DOT1L: variants seen among roughly 807,000 people sequenced by gnomAD.
The protein encoded by DOT1L is DOT1 like histone lysine methyltransferase.
A neutral mutation model predicts 153.3 loss-of-function variants in DOT1L; 33 were observed. That is an observed-to-expected ratio of 0.22 (90% CI 0.16 to 0.29). DOT1L has a LOEUF of 0.29. DOT1L is among the 10% of genes least tolerant of loss of function. The probability of loss-of-function intolerance (pLI) is 1.00; values close to 1 mark genes in which losing one functional copy is unlikely to be tolerated. For missense variants in DOT1L, 1,847 were observed against 2,119.9 expected, an observed-to-expected ratio of 0.87 and a Z score of 2.53; for synonymous variants, 1,135 against 965.1, an observed-to-expected ratio of 1.18 and a Z score of -3.26.
intron 7 of DOT1L, among the ~76,000 whole-genome samples, chr19:2,195,948 CCTCA>C (rs2023000289): frequency 6.6e-6 from 1 of 152,240 alleles, no homozygotes; most frequent in Admixed American, 6.5e-5. Flanking sequence ...GGTGCCCACC[CCTCA>C]CTGTCTCCTC....
Position 2,197,613 on chromosome 19 carries a change from G to T in DOT1L, c.652-2271G>T, listed in dbSNP as rs539157008. ...GCATGGTGTCTAGTGTGGCACAGGT[G>T]CTCCTGGCATGGAGCTGCGTTCGTG... On this transcript the variant is annotated intron_variant, in intron 7 of 27. Coordinates refer to ENST00000398665, the MANE Select transcript of DOT1L (RefSeq NM_032482.3). This position sits in a 1 kb window ranked among gnomAD's most constrained non-coding sequence, Gnocchi z 4.1. 4.6e-3 allele frequency among the ~76,000 whole-genome samples: 707 copies of T among 152,322 alleles called. 3 individuals are homozygous for T. The highest frequency in any genetic ancestry group is 0.024 in the Middle Eastern group (7 of 294).
At chr19:2,209,575 C>T (rs957143689) in intron 12 of DOT1L, among the ~76,000 whole-genome samples, 1 of 152,224 alleles carries the variant, frequency 6.6e-6, no homozygotes, top group African/African-American at 2.4e-5. Flanking sequence ...AGGGCTGTCC[C>T]CTCCTCTCCC....
At chr19:2,194,617 C>G in intron 7 of DOT1L, 40 bp downstream of exon 7, 4 of 1,600,262 alleles carry the variant, frequency 2.5e-6, no homozygotes, top group Non-Finnish European at 3.4e-6. Context: ...ATCGCCGGCC[C>G]CACCCCCGCT....
chr19:2,187,668 A>G (rs1331506188), intron 3 of DOT1L, among the ~76,000 whole-genome samples: 1 of 152,136 alleles, frequency 6.6e-6, no homozygotes, highest in East Asian at 1.9e-4. Context: ...CACACCTGTA[A>G]TCCCAGCACT....
chr19:2,214,641 C>G (rs752508932), intron 19 of DOT1L, 45 bp downstream of exon 19: 24 of 1,599,664 alleles, frequency 1.5e-5, no homozygotes, highest in Non-Finnish European at 2.0e-5. Context: ...CGAGCCTCTC[C>G]CATCAGCCTC....
chr19:2,227,042 G>C lies in DOT1L; in HGVS notation c.4521G>C (p.Leu1507=). 6.3e-7 allele frequency: 1 copy of C among 1,578,230 alleles called. No homozygotes were observed. Among genetic ancestry groups the C allele is most frequent in the Non-Finnish European group, 8.6e-7 (1 of 1,168,300 alleles). Residue 1507 remains leucine, a synonymous_variant, in exon 27 of 28, where the codon CTG becomes CTC. Transcript: ENST00000398665. ...GCTCTGTGCCGGCCGCCGCAGGCCT[G>C]GTGCACGTGTCGTCCGCTGCCACCA... is the stretch of plus-strand genomic sequence containing the variant. ...LFSSVPAAAG[L]VHVSSAATRL... is the part of the protein sequence containing the mutation.
intron 27 of DOT1L, chr19:2,228,664 T>C: frequency 1.0e-6 from 1 of 985,368 alleles, no homozygotes; most frequent in Non-Finnish European, 1.2e-6. Context: ...TGCCAGCCCC[T>C]GTGGGCGAGG....
chr19:2,187,735 G>T (rs537147705), intron 3 of DOT1L, among the ~76,000 whole-genome samples: 3 of 152,050 alleles, frequency 2.0e-5, no homozygotes, highest in African/African-American at 4.8e-5. Flanking sequence ...ATCCTCGCTA[G>T]CACAGTGAAA....
At chr19:2,206,941 G>A (rs2023520157) in intron 10 of DOT1L, 144 bp downstream of exon 10, 1 of 810,496 alleles carries the variant, frequency 1.2e-6, no homozygotes, top group South Asian at 1.5e-5. Flanking sequence ...GCAGTGCAGG[G>A]TGCTGAGCAG....
At chr19:2,211,955 C>G in intron 16 of DOT1L, 113 bp downstream of exon 16, 1 of 929,496 alleles carries the variant, frequency 1.1e-6, no homozygotes, top group Non-Finnish European at 1.6e-6. Flanking sequence ...TGAGTGGGCT[C>G]CCTCCTCTGC....
At chr19:2,228,475 C>G in intron 27 of DOT1L, 1 of 1,204,454 alleles carries the variant, frequency 8.3e-7, no homozygotes, top group East Asian at 5.6e-5. Context: ...GCAGAAGTTC[C>G]GGGGGTCCTG....
Position 2,220,836 on chromosome 19 carries a change from C to T in DOT1L, c.2806+614C>T. 1 of 306,426 alleles carries T rather than the reference C, an allele frequency of 3.3e-6. No homozygotes were observed. The highest frequency in any genetic ancestry group is 2.8e-5 in the South Asian group (1 of 36,226). 19.0% of individuals were successfully genotyped at this position (306,426 alleles called of 1,614,324 possible). A position where few individuals can be genotyped will look rare whatever the true frequency, so the allele number is the denominator to read the frequency against. On this transcript the variant is annotated intron_variant, in intron 23 of 27. Coordinates refer to ENST00000398665, the MANE Select transcript of DOT1L (RefSeq NM_032482.3). This position sits in a 1 kb window ranked among gnomAD's most constrained non-coding sequence, Gnocchi z 4.5. Reference sequence around the variant, plus strand: ...GACCCCCAGGCTGGTTTGCTGGCCCCAGGTTGAGATGCGGTATGATGCGGC... The same window carrying T: ...GACCCCCAGGCTGGTTTGCTGGCCCTAGGTTGAGATGCGGTATGATGCGGC...
At position 2,191,323 on chromosome 19, in the gene DOT1L, GT is replaced by G; in HGVS notation, c.493+86del. On this transcript the variant is annotated intron_variant, in intron 5 of 27. Coordinates refer to ENST00000398665, the MANE Select transcript of DOT1L (RefSeq NM_032482.3). The surrounding 1 kb of genome is among the most constrained non-coding windows in gnomAD (Gnocchi z 6.8). ...CTGCCCCATGCCTGCTTGGAGAAGA[GT>G]TTATCAGGGACTTGCGACGTTGGCG... The G allele has an allele frequency of 7.1e-7, 1 of 1,409,158 alleles. No homozygotes were observed. Among genetic ancestry groups the G allele is most frequent in the Non-Finnish European group, 1.0e-6 (1 of 1,004,492 alleles). 87.3% of individuals were successfully genotyped at this position (1,409,158 alleles called of 1,614,324 possible). A position where few individuals can be genotyped will look rare whatever the true frequency, so the allele number is the denominator to read the frequency against.
chr19:2,210,324 C>G, intron 12 of DOT1L, 76 bp from the exon 13 acceptor site: 1 of 1,312,064 alleles, frequency 7.6e-7, no homozygotes, highest in African/African-American at 1.5e-5. Context: ...TGAGTCTGAG[C>G]TCCGCGTGCC....
intron 9 of DOT1L, among the ~76,000 whole-genome samples, chr19:2,203,382 G>A (rs762570150): frequency 4.6e-5 from 7 of 152,190 alleles, no homozygotes; most frequent in African/African-American, 9.7e-5. Context: ...GATTACAGGC[G>A]TGAGCCATTG....
At chr19:2,177,267 C>T (rs1398537558) in intron 1 of DOT1L, among the ~76,000 whole-genome samples, 2 of 152,166 alleles carry the variant, frequency 1.3e-5, no homozygotes, top group Admixed American at 6.5e-5. Context: ...GCTGCACTCG[C>T]CCCACACACG....
chr19:2,190,124 G>A lies in DOT1L; in HGVS notation c.264+329G>A, dbSNP rs992800502. On this transcript the variant is annotated intron_variant, in intron 4 of 27. Transcript: ENST00000398665. This position sits in a 1 kb window ranked among gnomAD's most constrained non-coding sequence, Gnocchi z 4.8. The stretch of plus-strand genomic sequence containing the variant: ...AGAGGCGGGGTCCCTGTCCTCCCCG[G>A]GCTGTGTGAATGCCGGCCTTCCCCC... Among the ~76,000 whole-genome samples, 1 of 152,054 alleles carries A rather than the reference G, an allele frequency of 6.6e-6. No homozygotes were observed. Among genetic ancestry groups the A allele is most frequent in the Non-Finnish European group, 1.5e-5 (1 of 67,990 alleles).
chr19:2,170,085 G>A (rs1243101695), intron 1 of DOT1L, among the ~76,000 whole-genome samples: 14 of 152,190 alleles, frequency 9.2e-5, no homozygotes, highest in Admixed American at 9.2e-4. Context: ...AGTGAGCTGA[G>A]ATCATGCCAT....
At chr19:2,211,611 C>T (rs527849600) in intron 15 of DOT1L, 140 bp from the exon 16 acceptor site, 9 of 725,172 alleles carry the variant, frequency 1.2e-5, no homozygotes, top group Middle Eastern at 2.4e-4. Context: ...GCATGGGCCC[C>T]GCCAGGCTCT....
Sources: allele counts gnomAD v4.1 joint callset (sites outside exome capture counted in the v4.1 genomes callset), GRCh38; gene constraint gnomAD v4.1.1; non-coding constraint Gnocchi (gnomAD v3.1); transcripts MANE v1.5; gene names NCBI Gene and HGNC (gene_info 2026-07-23, HGNC 2026-07-21).